Variants in PACRG observed in about 807,000 individuals in gnomAD.
PACRG encodes the protein parkin coregulated gene protein.
In PACRG, 29 loss-of-function variants were observed where a neutral mutation model predicts 29.7. The ratio of observed to expected loss-of-function variants is 0.98; its 90% confidence interval spans 0.73 to 1.33. The LOEUF (loss-of-function observed/expected upper bound fraction) is 1.33, where lower values mean the gene tolerates loss of function less well. Among genes scored for constraint, PACRG ranks in the 40% most tolerant of loss-of-function variants. The pLI, the probability that PACRG is intolerant of heterozygous loss-of-function variation, is 0.00. For missense variants in PACRG, 279 were observed against 316.2 expected (o/e 0.88, Z 0.89); for synonymous variants, 116 against 118.7 (o/e 0.98, Z 0.15).
chr6:163,222,920 G>A (rs1322623112), intron 4 of PACRG, among the ~76,000 whole-genome samples: 1 of 152,166 alleles, frequency 6.6e-6, no homozygotes, highest in Admixed American at 6.5e-5. Flanking sequence ...ATATCAGAAT[G>A]CCGTAGAGAA....
At chr6:162,832,219 A>G (rs1278156828) in intron 2 of PACRG, among the ~76,000 whole-genome samples, 1 of 152,132 alleles carries the variant, frequency 6.6e-6, no homozygotes, top group East Asian at 1.9e-4. Context: ...GTGAGATGAT[A>G]TCTCATTGTG....
chr6:163,240,522 G>C (rs144042863), intron 4 of PACRG, among the ~76,000 whole-genome samples: 1 of 152,062 alleles, frequency 6.6e-6, no homozygotes, highest in Admixed American at 6.5e-5. Flanking sequence ...CTTGCCTGAC[G>C]CCCTGTGGGG....
chr6:163,058,296 T>C (rs1810767583), intron 2 of PACRG, among the ~76,000 whole-genome samples: 1 of 152,140 alleles, frequency 6.6e-6, no homozygotes, highest in Non-Finnish European at 1.5e-5. Context: ...GAGCTGCCTA[T>C]TGGGCACCGT....
intron 2 of PACRG, among the ~76,000 whole-genome samples, chr6:163,039,069 A>T (rs1326019466): frequency 1.3e-5 from 2 of 152,202 alleles, no homozygotes; most frequent in African/African-American, 4.8e-5. Flanking sequence ...CTGGTGGAAG[A>T]TGATTGGATC....
At chr6:163,074,549 A>C (rs1414595311) in intron 3 of PACRG, among the ~76,000 whole-genome samples, 1 of 152,202 alleles carries the variant, frequency 6.6e-6, no homozygotes, top group Non-Finnish European at 1.5e-5. Context: ...TAAATAACTA[A>C]AAGAGCATAA....
Position 162,727,996 on chromosome 6 carries a change from C to G in PACRG, c.-240C>G. ...GTCGCTTAGCAACCGGGAGGCTTAC[C>G]TTTGGAAGCTTGTTGCAGCTCTAGC... On this transcript the variant is annotated 5_prime_UTR_variant, in exon 1 of 5. Coordinates refer to ENST00000366888, the MANE Select transcript of PACRG (RefSeq NM_001080379.2). 1 of 623,984 alleles carries G rather than the reference C, an allele frequency of 1.6e-6. No individual in the cohort carries two copies. The highest frequency in any genetic ancestry group is 2.8e-6 in the Non-Finnish European group (1 of 354,530). The allele number at this position is 623,984 out of a possible 1,614,324, so 38.7% of individuals were successfully genotyped here. A position where few individuals can be genotyped will look rare whatever the true frequency, so the allele number is the denominator to read the frequency against.
chr6:163,278,794 T>G lies in PACRG; in HGVS notation c.614-36033T>G, dbSNP rs568257610. On this transcript the variant is annotated intron_variant, in intron 4 of 4. Coordinates refer to ENST00000366888, the MANE Select transcript of PACRG (RefSeq NM_001080379.2). Reference sequence around the variant, plus strand: ...ATGCCTCCAGATTTATTCTTTTTCCTTATTCTTGCTTTGCTTATGTGGGCT... The same window carrying G: ...ATGCCTCCAGATTTATTCTTTTTCCGTATTCTTGCTTTGCTTATGTGGGCT... Among the ~76,000 whole-genome samples the G allele has an allele frequency of 3.3e-5, 5 of 152,334 alleles. No homozygotes were observed. The South Asian group carries it at 1.0e-3, about 32-fold the overall frequency.
intron 4 of PACRG, among the ~76,000 whole-genome samples, chr6:163,104,657 T>G (rs567383415): frequency 6.6e-6 from 1 of 152,328 alleles, no homozygotes; most frequent in Non-Finnish European, 1.5e-5. Context: ...AGAGCAAGCT[T>G]ACACCTTACT....
At position 162,947,613 on chromosome 6, in the gene PACRG, T is replaced by TATATATATATATATATAATC. The variant is rs1799288262; in HGVS notation, c.292-114520_292-114519insATCATATATATATATATATA. Among the ~76,000 whole-genome samples the TATATATATATATATATAATC allele has an allele frequency of 1.7e-3, 25 of 14,900 alleles. 1 individual carries two copies. The highest frequency in any genetic ancestry group is 2.5e-3 in the African/African-American group (12 of 4,736). The allele number at this position is 14,900 out of a possible 152,430, so 9.8% of individuals were successfully genotyped here. On this transcript the variant is annotated intron_variant, in intron 2 of 4. Coordinates refer to ENST00000366888, the MANE Select transcript of PACRG (RefSeq NM_001080379.2). ...ATATAATCATATATATATATAATCA[T>TATATATATATATATATAATC]ATATATATATATATATATATATATA...
chr6:162,942,949 G>GGA (rs531182944), intron 2 of PACRG, among the ~76,000 whole-genome samples: 31 of 152,220 alleles, frequency 2.0e-4, no homozygotes, highest in Non-Finnish European at 3.5e-4. Flanking sequence ...AGGCAAAAAA[G>GGA]GAGAGAGAAG....
intron 2 of PACRG, among the ~76,000 whole-genome samples, chr6:162,857,382 G>T (rs1258321716): frequency 6.6e-6 from 1 of 152,168 alleles, no homozygotes; most frequent in Non-Finnish European, 1.5e-5. Flanking sequence ...ACCGGAGAGG[G>T]AACATTTTGA....
intron 4 of PACRG, among the ~76,000 whole-genome samples, chr6:163,299,498 C>T (rs1425965106): frequency 6.6e-6 from 1 of 152,148 alleles, no homozygotes; most frequent in African/African-American, 2.4e-5. Context: ...AGGAAGGTTG[C>T]CTGTCCCTCA....
chr6:163,235,566 G>T (rs1782203162), intron 4 of PACRG, among the ~76,000 whole-genome samples: 1 of 152,110 alleles, frequency 6.6e-6, no homozygotes, highest in Non-Finnish European at 1.5e-5. Flanking sequence ...GCCAGATCAT[G>T]CCATTCATCC....
At chr6:162,785,820 C>T (rs1298202996) in intron 1 of PACRG, among the ~76,000 whole-genome samples, 1 of 152,152 alleles carries the variant, frequency 6.6e-6, no homozygotes, top group Admixed American at 6.5e-5. Context: ...TAGCAGGCCA[C>T]GGACCACTAG....
chr6:163,138,947 A>C (rs555616917), intron 4 of PACRG, among the ~76,000 whole-genome samples: 1 of 152,194 alleles, frequency 6.6e-6, no homozygotes, highest in African/African-American at 2.4e-5. Flanking sequence ...ATCCAAAATG[A>C]GTGTTAGAAC....
chr6:162,815,738 T>G (rs1479919310), intron 2 of PACRG, among the ~76,000 whole-genome samples: 1 of 152,162 alleles, frequency 6.6e-6, no homozygotes, highest in African/African-American at 2.4e-5. Flanking sequence ...GTTTGGATTT[T>G]TGGATTCATA....
intron 2 of PACRG, among the ~76,000 whole-genome samples, chr6:163,012,226 T>C (rs1805681393): frequency 6.6e-6 from 1 of 152,246 alleles, no homozygotes; most frequent in South Asian, 2.1e-4. Context: ...AAGTTAGATA[T>C]GTTTTTTCAA....
At chr6:162,733,212 G>A (rs2128250257) in intron 1 of PACRG, among the ~76,000 whole-genome samples, 2 of 152,298 alleles carry the variant, frequency 1.3e-5, no homozygotes, top group Middle Eastern at 6.8e-3. Context: ...GCTTTAAGAA[G>A]ACTTCTTTAA....
Position 163,152,868 on chromosome 6 carries a change from G to A in PACRG, c.613+63460G>A, listed in dbSNP as rs573869032. On this transcript the variant is annotated intron_variant, in intron 4 of 4. Transcript: ENST00000366888. ...GAGATCACAAACTTTTTCTCTAACTGTGGGTCTCCCAGCATTCTCCCTCCT... is the reference window on the plus strand; with the variant it reads ...GAGATCACAAACTTTTTCTCTAACTATGGGTCTCCCAGCATTCTCCCTCCT... Among the ~76,000 whole-genome samples, 3 of 152,290 alleles carry A rather than the reference G, an allele frequency of 2.0e-5. No homozygotes were observed. In the East Asian group the frequency reaches 5.8e-4, roughly 29 times the overall value.
Sources: allele counts gnomAD v4.1 joint callset (sites outside exome capture counted in the v4.1 genomes callset), GRCh38; gene constraint gnomAD v4.1.1; transcripts MANE v1.5; gene names NCBI Gene and HGNC (gene_info 2026-07-23, HGNC 2026-07-21).